CDKAL1: variants seen among roughly 807,000 people sequenced by gnomAD.
CDKAL1 encodes CDKAL1 threonylcarbamoyladenosine tRNA methylthiotransferase, also known as threonylcarbamoyladenosine tRNA methylthiotransferase.
In CDKAL1, 32 loss-of-function variants were observed where a neutral mutation model predicts 68.2. The ratio of observed to expected loss-of-function variants is 0.47; its 90% confidence interval spans 0.35 to 0.63. CDKAL1 has a LOEUF of 0.63. Among genes scored for constraint, CDKAL1 ranks in the 30% least tolerant of loss-of-function variants. The pLI is 0.00. For missense variants in CDKAL1, 606 were observed against 696.7 expected (o/e 0.87, Z 1.47); for synonymous variants, 234 against 244.3 (o/e 0.96, Z 0.39).
chr6:20,660,785 A>T (rs1240010342), intron 5 of CDKAL1, among the ~76,000 whole-genome samples: 1 of 152,198 alleles, frequency 6.6e-6, no homozygotes, highest in African/African-American at 2.4e-5. Flanking sequence ...CTTTTTGGGA[A>T]AAGGGTTTAG....
At chr6:21,146,609 C>T (rs1047795691) in intron 13 of CDKAL1, among the ~76,000 whole-genome samples, 5 of 151,910 alleles carry the variant, frequency 3.3e-5, no homozygotes, top group East Asian at 3.9e-4. Context: ...CCAGCACTTT[C>T]GGAGGCCGAG....
At chr6:21,171,688 A>G (rs530927215) in intron 13 of CDKAL1, among the ~76,000 whole-genome samples, 4 of 152,338 alleles carry the variant, frequency 2.6e-5, no homozygotes, top group East Asian at 3.9e-4. Context: ...AAATTACTCC[A>G]TAATAAATAC....
Position 21,139,701 on chromosome 6 carries a change from T to C in CDKAL1, c.1299+31238T>C, listed in dbSNP as rs142927059. The stretch of plus-strand genomic sequence containing the variant: ...TTTTTAATTTTTTGTAGAGATGGGG[T>C]CTCACTGTGTTGCCCAGGCTGGTCT... On this transcript the variant is annotated intron_variant, in intron 13 of 15. Coordinates refer to ENST00000274695, the MANE Select transcript of CDKAL1 (RefSeq NM_017774.3). 3.3e-3 allele frequency among the ~76,000 whole-genome samples: 500 copies of C among 152,072 alleles called. 3 individuals are homozygous for C. The highest frequency in any genetic ancestry group is 0.012 in the African/African-American group (488 of 41,480).
At chr6:20,841,496 T>G (rs1034831198) in intron 8 of CDKAL1, among the ~76,000 whole-genome samples, 8 of 152,270 alleles carry the variant, frequency 5.3e-5, no homozygotes, top group Admixed American at 5.2e-4. Flanking sequence ...GGTTTGGATA[T>G]TAAGTTGACC....
chr6:20,745,165 T>C (rs902035583), intron 6 of CDKAL1, among the ~76,000 whole-genome samples: 3 of 152,232 alleles, frequency 2.0e-5, no homozygotes, highest in African/African-American at 7.2e-5. Context: ...TTAAACATCT[T>C]TTCAGGCAGG....
At chr6:21,076,162 A>G (rs1772061122) in intron 12 of CDKAL1, among the ~76,000 whole-genome samples, 1 of 152,186 alleles carries the variant, frequency 6.6e-6, no homozygotes, top group Non-Finnish European at 1.5e-5. Context: ...GGTTAGAGAC[A>G]GCTTTGCCAA....
chr6:21,067,342 CA>C (rs1246422270), intron 12 of CDKAL1, among the ~76,000 whole-genome samples: 1 of 152,196 alleles, frequency 6.6e-6, no homozygotes, highest in Non-Finnish European at 1.5e-5. Context: ...TTTGTTTTTG[CA>C]TAACATTATG....
chr6:20,926,636 A>G lies in CDKAL1; in HGVS notation c.743-28783A>G, dbSNP rs143409073. Reference sequence around the variant, plus strand: ...ACCTTGGAAATTTTGAATGCAATATATAATTGCATCTGATAAAAACTGTAT... The same window carrying G: ...ACCTTGGAAATTTTGAATGCAATATGTAATTGCATCTGATAAAAACTGTAT... On this transcript the variant is annotated intron_variant, in intron 9 of 15. Transcript: ENST00000274695. 8.5e-5 allele frequency among the ~76,000 whole-genome samples: 13 copies of G among 152,212 alleles called. No individual in the cohort carries two copies. In the South Asian group the frequency reaches 1.5e-3, roughly 17 times the overall value.
chr6:21,050,074 A>G (rs1770459889), intron 11 of CDKAL1, among the ~76,000 whole-genome samples: 1 of 152,196 alleles, frequency 6.6e-6, no homozygotes, highest in Non-Finnish European at 1.5e-5. Flanking sequence ...TAAACTGAAT[A>G]ACCCATCTAG....
intron 13 of CDKAL1, among the ~76,000 whole-genome samples, chr6:21,189,530 T>A (rs996476856): frequency 3.3e-5 from 5 of 152,210 alleles, no homozygotes. Context: ...TGTTTAAGAA[T>A]CAGTTAACCA....
intron 11 of CDKAL1, among the ~76,000 whole-genome samples, chr6:21,032,371 G>A (rs948917658): frequency 2.6e-5 from 4 of 152,030 alleles, no homozygotes; most frequent in Non-Finnish European, 2.9e-5. Context: ...ACTGCACCTG[G>A]CTATTTCCCC....
Position 21,065,146 on chromosome 6 carries a change from A to G in CDKAL1, c.1154A>G (p.Lys385Arg). 2 of 1,609,646 alleles carry G rather than the reference A, an allele frequency of 1.2e-6. No individual in the cohort carries two copies. The highest frequency in any genetic ancestry group is 1.1e-5 in the South Asian group (1 of 89,198). ...QETVKLVEEY[K>R]FPSLFINQFY... Reference sequence around the variant, plus strand: ...ACAGTGAAACTTGTTGAAGAGTACAAATTCCCAAGCCTGTTTATTAACCAA... The same window carrying G: ...ACAGTGAAACTTGTTGAAGAGTACAGATTCCCAAGCCTGTTTATTAACCAA... The change falls in exon 12 of 16, where the codon AAA (lysine) becomes AGA (arginine). Residue 385 changes from lysine (K) to arginine (R), a missense_variant. Physicochemically the swap from Lys to Arg is conservative, Grantham distance 26. Coordinates refer to ENST00000274695, the MANE Select transcript of CDKAL1 (RefSeq NM_017774.3).
chr6:20,907,682 G>T (rs892082524), intron 9 of CDKAL1, among the ~76,000 whole-genome samples: 8 of 152,148 alleles, frequency 5.3e-5, no homozygotes, highest in Non-Finnish European at 7.3e-5. Flanking sequence ...CGTGTGTGAG[G>T]AGCTGAGTGG....
chr6:21,166,275 G>C (rs1413855610), intron 13 of CDKAL1, among the ~76,000 whole-genome samples: 5 of 152,212 alleles, frequency 3.3e-5, no homozygotes, highest in African/African-American at 9.6e-5. Context: ...TGACGTGAAA[G>C]AGTGCAGAGA....
At chr6:21,227,238 T>C (rs1475364668) in intron 15 of CDKAL1, among the ~76,000 whole-genome samples, 1 of 152,224 alleles carries the variant, frequency 6.6e-6, no homozygotes, top group Non-Finnish European at 1.5e-5. Context: ...TTACATTATT[T>C]TCTATTCATG....
At chr6:21,053,637 T>G (rs1170495673) in intron 11 of CDKAL1, among the ~76,000 whole-genome samples, 1 of 152,244 alleles carries the variant, frequency 6.6e-6, no homozygotes, top group Admixed American at 6.5e-5. Context: ...CTGTTATTTT[T>G]TTTTTCAGTC....
At chr6:21,174,984 G>A (rs964766136) in intron 13 of CDKAL1, among the ~76,000 whole-genome samples, 27 of 152,144 alleles carry the variant, frequency 1.8e-4, no homozygotes, top group Non-Finnish European at 3.1e-4. Flanking sequence ...AACATAAGGC[G>A]CTGGGCTTTC....
intron 4 of CDKAL1, among the ~76,000 whole-genome samples, chr6:20,575,655 A>G (rs561897569): frequency 2.0e-5 from 3 of 152,186 alleles, no homozygotes; most frequent in Admixed American, 1.3e-4. Flanking sequence ...CAGGGTTTCT[A>G]TTTTGGAGGT....
chr6:20,537,438 C>T (rs1249068411), intron 2 of CDKAL1, among the ~76,000 whole-genome samples: 2 of 152,128 alleles, frequency 1.3e-5, no homozygotes, highest in South Asian at 2.1e-4. Flanking sequence ...GAAACCCCGT[C>T]TCTACTAAAA....
Sources: allele counts gnomAD v4.1 joint callset (sites outside exome capture counted in the v4.1 genomes callset), GRCh38; gene constraint gnomAD v4.1.1; transcripts MANE v1.5; gene names NCBI Gene and HGNC (gene_info 2026-07-23, HGNC 2026-07-21).